GRID1: variants seen among roughly 807,000 people sequenced by gnomAD.
GRID1 encodes the protein glutamate ionotropic receptor delta type subunit 1, also known as glutamate receptor ionotropic, delta-1.
Under a neutral mutation model 98.0 loss-of-function variants are expected in GRID1, and 28 were observed. The observed-to-expected ratio is 0.29, with a 90% confidence interval of 0.21 to 0.39. GRID1 has a LOEUF of 0.39. Ranked by LOEUF, GRID1 falls within the 10% of genes least tolerant of loss-of-function variation. The probability of loss-of-function intolerance (pLI) is 1.00; values close to 1 mark genes in which losing one functional copy is unlikely to be tolerated. For synonymous variants in GRID1, 553 were observed against 538.5 expected (o/e 1.03, Z -0.37); for missense variants, 1,111 against 1,340.5 (o/e 0.83, Z 2.67).
At chr10:86,174,118 T>C (rs1845536867) in intron 3 of GRID1, among the ~76,000 whole-genome samples, 1 of 152,122 alleles carries the variant, frequency 6.6e-6, no homozygotes, top group Non-Finnish European at 1.5e-5. Context: ...GGTCAAATGG[T>C]ATTTCTAGTT....
chr10:85,948,371 A>G (rs1388114290), intron 4 of GRID1, among the ~76,000 whole-genome samples: 6 of 152,234 alleles, frequency 3.9e-5, no homozygotes, highest in Non-Finnish European at 7.3e-5. Flanking sequence ...GATGGAGTTG[A>G]GGAATTAGGT....
Position 85,938,621 on chromosome 10 carries a change from C to G in GRID1, c.727-22382G>C, listed in dbSNP as rs116986691. 9.3e-3 allele frequency among the ~76,000 whole-genome samples: 1,423 copies of G among 152,200 alleles called. 13 individuals carry two copies. Among genetic ancestry groups the G allele is most frequent in the Admixed American group, 0.022 (339 of 15,286 alleles). Reference sequence around the variant, plus strand: ...ATACAAACGAGCCAGGATTTGACCTCAGGGATAGTGAGTAAACATGCTGAA... The same window carrying G: ...ATACAAACGAGCCAGGATTTGACCTGAGGGATAGTGAGTAAACATGCTGAA... On this transcript the variant is annotated intron_variant, in intron 4 of 15. Transcript: ENST00000327946.
Position 85,824,178 on chromosome 10 carries a change from T to TTTTGTTTGTTTG in GRID1, c.1233+30306_1233+30317dup, listed in dbSNP as rs3057656. Reference sequence around the variant, plus strand: ...GAGGAAAAGACTTAAAAAGAGTTGATTTTGTTTGTTTGTTTGTTTGTTTGT... The same window carrying TTTTGTTTGTTTG: ...GAGGAAAAGACTTAAAAAGAGTTGATTTTGTTTGTTTGTTTGTTTGTTTGTTTGTTTGTTTGT... On this transcript the variant is annotated intron_variant, in intron 8 of 15. Transcript: ENST00000327946. 3.3e-5 allele frequency among the ~76,000 whole-genome samples: 5 copies of TTTTGTTTGTTTG among 151,674 alleles called. 1 individual carries two copies. Among genetic ancestry groups the TTTTGTTTGTTTG allele is most frequent in the African/African-American group, 1.2e-4 (5 of 41,402 alleles).
At chr10:86,070,054 G>C (rs7912451) in intron 4 of GRID1, among the ~76,000 whole-genome samples, 10,925 of 152,252 alleles carry the variant, frequency 0.072, 463 homozygotes, top group East Asian at 0.14. Flanking sequence ...GAGAGGTGCT[G>C]TGGTTGTGCC....
rs887930907 is a variant in GRID1 at position 85,667,396 on chromosome 10, A to T, written c.1998-19999T>A. On this transcript the variant is annotated intron_variant, in intron 12 of 15. Transcript: ENST00000327946. The stretch of plus-strand genomic sequence containing the variant: ...GCCTACTCCCCTAGTAGGCTGTTTT[A>T]AAAAAAAAGAATAAACACAAACAAT... Among the ~76,000 whole-genome samples the T allele has an allele frequency of 4.6e-5, 7 of 151,400 alleles. No homozygotes were observed. In the East Asian group the frequency reaches 5.8e-4, roughly 13 times the overall value.
intron 4 of GRID1, among the ~76,000 whole-genome samples, chr10:85,943,328 A>G (rs905149478): frequency 1.3e-5 from 2 of 152,206 alleles, no homozygotes; most frequent in Admixed American, 1.3e-4. Context: ...TATATGCCAT[A>G]TTTTTTAAAA....
chr10:86,240,466 G>A (rs571285396), intron 2 of GRID1, among the ~76,000 whole-genome samples: 5 of 152,284 alleles, frequency 3.3e-5, no homozygotes, highest in Admixed American at 1.3e-4. Flanking sequence ...GGAGGGCCAG[G>A]GGCACTGAGA....
intron 8 of GRID1, among the ~76,000 whole-genome samples, chr10:85,782,023 A>G (rs1842386125): frequency 6.6e-6 from 1 of 152,234 alleles, no homozygotes; most frequent in African/African-American, 2.4e-5. Context: ...GTCAAAATTA[A>G]TCTTCCTAAA....
At chr10:86,057,441 T>G (rs1049379433) in intron 4 of GRID1, among the ~76,000 whole-genome samples, 2 of 152,228 alleles carry the variant, frequency 1.3e-5, no homozygotes, top group Admixed American at 6.5e-5. Flanking sequence ...TTAGTGCAGC[T>G]GCACTGCATC....
At chr10:86,165,468 C>A (rs1219677714) in intron 3 of GRID1, among the ~76,000 whole-genome samples, 1 of 152,192 alleles carries the variant, frequency 6.6e-6, no homozygotes, top group Non-Finnish European at 1.5e-5. Flanking sequence ...GCTTGCTGGC[C>A]TCCTGGAGAC....
At chr10:86,076,305 A>T (rs1405888280) in intron 4 of GRID1, among the ~76,000 whole-genome samples, 2 of 152,256 alleles carry the variant, frequency 1.3e-5, no homozygotes, top group Non-Finnish European at 2.9e-5. Context: ...GTTTAAAGAA[A>T]GAAACAGTAA....
At chr10:85,904,496 G>T (rs1281369727) in intron 5 of GRID1, among the ~76,000 whole-genome samples, 1 of 152,076 alleles carries the variant, frequency 6.6e-6, no homozygotes, top group African/African-American at 2.4e-5. Flanking sequence ...GAAGAAAACT[G>T]CACAGAGAGA....
At chr10:86,100,991 G>A (rs1012298599) in intron 4 of GRID1, among the ~76,000 whole-genome samples, 1 of 152,162 alleles carries the variant, frequency 6.6e-6, no homozygotes, top group Non-Finnish European at 1.5e-5. Flanking sequence ...AATGGTCACT[G>A]GTGACTGATA....
chr10:85,787,627 T>G (rs189251737), intron 8 of GRID1, among the ~76,000 whole-genome samples: 28 of 152,226 alleles, frequency 1.8e-4, no homozygotes, highest in Non-Finnish European at 3.2e-4. Context: ...CTCTGTGACA[T>G]CCACTGCTTC....
At chr10:85,994,254 C>T (rs1341212620) in intron 4 of GRID1, among the ~76,000 whole-genome samples, 2 of 152,104 alleles carry the variant, frequency 1.3e-5, no homozygotes, top group South Asian at 2.1e-4. Flanking sequence ...GTGCAGTGAC[C>T]CACAGCATGG....
intron 2 of GRID1, among the ~76,000 whole-genome samples, chr10:86,274,312 A>C (rs1203154619): frequency 6.6e-6 from 1 of 152,206 alleles, no homozygotes; most frequent in African/African-American, 2.4e-5. Flanking sequence ...TGGTGACTGT[A>C]GCCTTGTAGT....
At chr10:85,734,622 T>C (rs775339656) in intron 8 of GRID1, among the ~76,000 whole-genome samples, 17 of 152,202 alleles carry the variant, frequency 1.1e-4, no homozygotes, top group Non-Finnish European at 2.1e-4. Flanking sequence ...AGTTCAACTA[T>C]GTTCCAGGAT....
chr10:86,345,589 T>C (rs530574128), intron 2 of GRID1, among the ~76,000 whole-genome samples: 1 of 152,154 alleles, frequency 6.6e-6, no homozygotes, highest in South Asian at 2.1e-4. Context: ...CGGCCCTGAA[T>C]CCAGAGCACA....
intron 13 of GRID1, among the ~76,000 whole-genome samples, chr10:85,634,807 T>C (rs1843016792): frequency 6.6e-6 from 1 of 151,968 alleles, no homozygotes; most frequent in African/African-American, 2.4e-5. Context: ...TCATCAGAAA[T>C]TTCTTCTTGA....
Sources: allele counts gnomAD v4.1 joint callset (sites outside exome capture counted in the v4.1 genomes callset), GRCh38; gene constraint gnomAD v4.1.1; transcripts MANE v1.5; gene names NCBI Gene and HGNC (gene_info 2026-07-23, HGNC 2026-07-21).